GRK5: variants seen among roughly 807,000 people sequenced by gnomAD.
GRK5 encodes G protein-coupled receptor kinase 5.
GRK5 carries 40 observed loss-of-function variants against 78.4 expected under a neutral mutation model. The ratio of observed to expected loss-of-function variants is 0.51; its 90% confidence interval spans 0.40 to 0.66. The LOEUF (loss-of-function observed/expected upper bound fraction) is 0.66. Among genes scored for constraint, GRK5 ranks in the 30% least tolerant of loss-of-function variants. The pLI is 0.00. For missense variants in GRK5, 598 were observed against 759.9 expected, an observed-to-expected ratio of 0.79 and a Z score of 2.50; for synonymous variants, 289 against 296.8, an observed-to-expected ratio of 0.97 and a Z score of 0.27.
chr10:119,244,744 A>G (rs1055711497), intron 1 of GRK5, among the ~76,000 whole-genome samples: 1 of 152,148 alleles, frequency 6.6e-6, no homozygotes, highest in Non-Finnish European at 1.5e-5. Context: ...CAACAAAACA[A>G]AACAAAAACC....
chr10:119,440,209 C>T (rs1853005020), intron 10 of GRK5, among the ~76,000 whole-genome samples: 1 of 152,096 alleles, frequency 6.6e-6, no homozygotes, highest in Non-Finnish European at 1.5e-5. Context: ...GAGGCTTCTA[C>T]ATGACAGCTT....
intron 2 of GRK5, among the ~76,000 whole-genome samples, chr10:119,356,016 T>C (rs955278343): frequency 5.9e-5 from 9 of 152,218 alleles, no homozygotes; most frequent in African/African-American, 2.2e-4. Context: ...TCTAGAGAGC[T>C]GATAAAGTAA....
intron 2 of GRK5, among the ~76,000 whole-genome samples, chr10:119,371,284 C>A (rs1169578733): frequency 2.0e-5 from 3 of 152,222 alleles, no homozygotes; most frequent in African/African-American, 7.2e-5. Context: ...TGTGCTCGGG[C>A]CCCGTGGCCA....
intron 3 of GRK5, among the ~76,000 whole-genome samples, chr10:119,393,442 C>T (rs1851919171): frequency 6.6e-6 from 1 of 152,190 alleles, no homozygotes; most frequent in Non-Finnish European, 1.5e-5. Flanking sequence ...ATTAGTGAGC[C>T]CCAGGCCTCC....
intron 1 of GRK5, among the ~76,000 whole-genome samples, chr10:119,265,009 T>C (rs1849471102): frequency 1.3e-5 from 2 of 152,308 alleles, no homozygotes; most frequent in East Asian, 3.9e-4. Flanking sequence ...GCTGAGCTGG[T>C]TGGGGCTCAC....
chr10:119,423,900 C>T (rs1360980519), intron 5 of GRK5, among the ~76,000 whole-genome samples: 1 of 152,198 alleles, frequency 6.6e-6, no homozygotes. Context: ...TTTGTGTGCC[C>T]TTATTCAGCA....
intron 1 of GRK5, among the ~76,000 whole-genome samples, chr10:119,318,316 G>C (rs910207556): frequency 6.6e-6 from 1 of 152,190 alleles, no homozygotes; most frequent in African/African-American, 2.4e-5. Flanking sequence ...TAGGACCTAC[G>C]TCACGGGGGT....
At chr10:119,310,420 G>A (rs1850338735) in intron 1 of GRK5, among the ~76,000 whole-genome samples, 1 of 152,170 alleles carries the variant, frequency 6.6e-6, no homozygotes, top group African/African-American at 2.4e-5. Context: ...CCAAATTTGG[G>A]CCTTGCTGAG....
intron 1 of GRK5, among the ~76,000 whole-genome samples, chr10:119,220,680 C>T (rs1360687571): frequency 1.3e-5 from 2 of 150,700 alleles, no homozygotes; most frequent in African/African-American, 4.9e-5. Flanking sequence ...ATTAAAAATC[C>T]AAGAATTAGC....
chr10:119,432,626 T>A (rs768657156), intron 8 of GRK5, among the ~76,000 whole-genome samples: 2 of 152,242 alleles, frequency 1.3e-5, no homozygotes, highest in Non-Finnish European at 2.9e-5. Flanking sequence ...GTACCTCTTA[T>A]GGAGGAATGT....
chr10:119,211,518 A>C (rs1848485895), intron 1 of GRK5: 1 of 152,204 alleles, frequency 6.6e-6, no homozygotes, highest in Non-Finnish European at 1.5e-5. Context: ...GTGGTGAGAA[A>C]AAATTTTGCA....
At chr10:119,350,278 G>A (rs57141865) in intron 2 of GRK5, among the ~76,000 whole-genome samples, 6,068 of 152,286 alleles carry the variant, frequency 0.04, 239 homozygotes, top group African/African-American at 0.1. Context: ...TTTTCAGTGC[G>A]GCATTTAGCC....
chr10:119,276,245 C>T (rs1849667896), intron 1 of GRK5, among the ~76,000 whole-genome samples: 1 of 151,832 alleles, frequency 6.6e-6, no homozygotes, highest in Non-Finnish European at 1.5e-5. Flanking sequence ...TTAGATATAT[C>T]TCCTAATGCT....
At chr10:119,297,649 C>T (rs1241575870) in intron 1 of GRK5, among the ~76,000 whole-genome samples, 1 of 152,174 alleles carries the variant, frequency 6.6e-6, no homozygotes, top group Admixed American at 6.5e-5. Context: ...GTTGTTATAA[C>T]AACCTACTCC....
intron 2 of GRK5, among the ~76,000 whole-genome samples, chr10:119,342,691 T>C (rs1219451614): frequency 1.3e-5 from 2 of 152,220 alleles, no homozygotes; most frequent in Non-Finnish European, 2.9e-5. Context: ...TTCATTCATT[T>C]ATCTGTTAAG....
chr10:119,415,382 A>G (rs113783571), intron 4 of GRK5, among the ~76,000 whole-genome samples: 2,903 of 152,266 alleles, frequency 0.019, 86 homozygotes, highest in African/African-American at 0.065. Flanking sequence ...GAGCAGGGGA[A>G]GAAAAGGGGA....
chr10:119,393,141 A>G lies in GRK5; in HGVS notation c.262-3554A>G, dbSNP rs538673418. Among the ~76,000 whole-genome samples, 3 of 152,342 alleles carry G rather than the reference A, an allele frequency of 2.0e-5. No homozygotes were observed. The South Asian group carries it at 6.2e-4, about 32-fold the overall frequency. On this transcript the variant is annotated intron_variant, in intron 3 of 15. Transcript: ENST00000392870. ...CACTGTGGAGACATGGCCTGTCACT[A>G]GGTGTCTTAATCAGTGCGAAAAGCC...
chr10:119,325,283 C>G (rs568897407), intron 1 of GRK5, among the ~76,000 whole-genome samples: 1 of 152,168 alleles, frequency 6.6e-6, no homozygotes, highest in Admixed American at 6.5e-5. Flanking sequence ...TCAGAGAGGG[C>G]GGGTGCTTGT....
intron 1 of GRK5, among the ~76,000 whole-genome samples, chr10:119,237,949 TGAGGGATGGAGG>T (rs373947581): frequency 0.94 from 142,197 of 152,058 alleles, 67,226 homozygotes; most frequent in East Asian, 1. Context: ...GGGCTGGAGT[TGAGGGATGGAGG>T]AAGGGGCTGG....
Sources: allele counts gnomAD v4.1 joint callset (sites outside exome capture counted in the v4.1 genomes callset), GRCh38; gene constraint gnomAD v4.1.1; transcripts MANE v1.5; gene names NCBI Gene and HGNC (gene_info 2026-07-23, HGNC 2026-07-21).